The following DSCAM variants were observed in gnomAD, a reference collection of about 807,000 sequenced individuals.
The protein encoded by DSCAM is cell adhesion molecule DSCAM.
A neutral mutation model predicts 217.7 loss-of-function variants in DSCAM; 47 were observed. The observed-to-expected ratio is 0.22, with a 90% CI of 0.17 to 0.28. The LOEUF (loss-of-function observed/expected upper bound fraction) is 0.28, where lower values mean the gene tolerates loss of function less well. Among genes scored for constraint, DSCAM ranks in the 10% least tolerant of loss-of-function variants. The pLI is 1.00. For synonymous variants in DSCAM, 1,056 were observed against 1,015.3 expected (o/e 1.04, Z -0.76); for missense variants, 2,080 against 2,618.3 (o/e 0.79, Z 4.49).
chr21:40,402,647 A>T (rs1052517508), intron 3 of DSCAM, among the ~76,000 whole-genome samples: 1 of 151,260 alleles, frequency 6.6e-6, no homozygotes, highest in African/African-American at 2.4e-5. Context: ...ATGGCACTTA[A>T]CTCAAAATTG....
At chr21:40,110,990 T>G (rs2089892015) in intron 20 of DSCAM, among the ~76,000 whole-genome samples, 1 of 152,222 alleles carries the variant, frequency 6.6e-6, no homozygotes, top group South Asian at 2.1e-4. Flanking sequence ...GAAAACACTC[T>G]GCAGGATATT....
At chr21:40,130,547 A>G (rs541005518) in intron 19 of DSCAM, among the ~76,000 whole-genome samples, 2 of 152,218 alleles carry the variant, frequency 1.3e-5, no homozygotes, top group East Asian at 3.9e-4. Context: ...CTGAGACTCT[A>G]TTTACGGATG....
intron 1 of DSCAM, among the ~76,000 whole-genome samples, chr21:40,761,017 T>C (rs997720111): frequency 1.3e-5 from 2 of 152,206 alleles, no homozygotes; most frequent in African/African-American, 4.8e-5. Context: ...GCCTTCCTTC[T>C]TCTGGAATGC....
At chr21:40,583,633 C>G (rs1334040152) in intron 3 of DSCAM, among the ~76,000 whole-genome samples, 3 of 152,086 alleles carry the variant, frequency 2.0e-5, no homozygotes, top group African/African-American at 7.2e-5. Flanking sequence ...TTCCTTTTGG[C>G]TGGAAAACTG....
At chr21:40,543,533 T>G (rs2076557860) in intron 3 of DSCAM, among the ~76,000 whole-genome samples, 1 of 151,992 alleles carries the variant, frequency 6.6e-6, no homozygotes, top group African/African-American at 2.4e-5. Flanking sequence ...CACACATCCC[T>G]TCTTCACACC....
chr21:40,516,866 A>C (rs1167002480), intron 3 of DSCAM, among the ~76,000 whole-genome samples: 1 of 148,696 alleles, frequency 6.7e-6, no homozygotes, highest in Non-Finnish European at 1.5e-5. Flanking sequence ...ATCCGGATAC[A>C]CACACATGCG....
At chr21:40,130,347 G>A (rs576192837) in intron 19 of DSCAM, among the ~76,000 whole-genome samples, 2 of 152,282 alleles carry the variant, frequency 1.3e-5, no homozygotes, top group Non-Finnish European at 1.5e-5. Context: ...GTCGTCCTTC[G>A]TGTTTCTGCA....
In DSCAM at chr21:40,312,103, G is replaced by A. The variant is rs771047117; in HGVS notation, c.2040C>T (p.His680=). 4 of 1,613,976 alleles carry A rather than the reference G, an allele frequency of 2.5e-6. No individual in the cohort carries two copies. The highest frequency in any genetic ancestry group is 3.4e-6 in the Non-Finnish European group (4 of 1,179,928). ...IARNEAAAVE[H]QSQLIVRVPP... ...CACCTCTGACAATCAACTGGCTTTG[G>A]TGCTCCACAGCGGCGGCCTCATTCC... Residue 680 remains histidine, a synonymous_variant, in exon 9 of 33, where the codon CAC becomes CAT. Coordinates refer to ENST00000400454, the MANE Select transcript of DSCAM (RefSeq NM_001389.5).
At chr21:40,812,791 T>C (rs1187403161) in intron 1 of DSCAM, among the ~76,000 whole-genome samples, 2 of 152,166 alleles carry the variant, frequency 1.3e-5, no homozygotes, top group African/African-American at 4.8e-5. Flanking sequence ...CACTTAAAGG[T>C]CACGCACAAC....
chr21:40,101,559 C>T (rs2089750924), intron 20 of DSCAM, among the ~76,000 whole-genome samples: 1 of 152,022 alleles, frequency 6.6e-6, no homozygotes, highest in Admixed American at 6.6e-5. Flanking sequence ...CCATAAGAAG[C>T]ATGCAGTATA....
At chr21:40,086,252 G>T (rs2089530619) in intron 22 of DSCAM, among the ~76,000 whole-genome samples, 1 of 152,202 alleles carries the variant, frequency 6.6e-6, no homozygotes, top group Non-Finnish European at 1.5e-5. Context: ...AGAGGGTGAT[G>T]AGTTTACCCT....
intron 3 of DSCAM, among the ~76,000 whole-genome samples, chr21:40,464,607 G>T (rs926952360): frequency 6.6e-6 from 1 of 152,078 alleles, no homozygotes; most frequent in Non-Finnish European, 1.5e-5. Flanking sequence ...CTCCTGTCCA[G>T]CCCACTTTTA....
Position 40,442,363 on chromosome 21 carries a change from A to G in DSCAM, c.509-73118T>C, listed in dbSNP as rs182089625. Reference sequence around the variant, plus strand: ...CATCAGAGTGATTTTATTTTTTAAAATTTACTAGTTTTTTAAATTTAAATA... The same window carrying G: ...CATCAGAGTGATTTTATTTTTTAAAGTTTACTAGTTTTTTAAATTTAAATA... On this transcript the variant is annotated intron_variant, in intron 3 of 32. Transcript: ENST00000400454. Among the ~76,000 whole-genome samples the G allele has an allele frequency of 4.4e-3, 672 of 151,366 alleles. 4 individuals are homozygous for G. Among genetic ancestry groups the G allele is most frequent in the African/African-American group, 0.014 (595 of 41,448 alleles).
chr21:40,178,974 C>T lies in DSCAM; in HGVS notation c.2900G>A (p.Gly967Asp). Reference sequence around the variant, plus strand: ...GAGCTCGTTGCTGGGCTCGCTCTTGCCAATCCGGTTCTTGGCGTACATGCG... The same window carrying T: ...GAGCTCGTTGCTGGGCTCGCTCTTGTCAATCCGGTTCTTGGCGTACATGCG... ...SIRMYAKNRIGKSEPSNELTI... is the reference protein window; with the variant it reads ...SIRMYAKNRIDKSEPSNELTI... Residue 967 changes from glycine to aspartate, a missense_variant, in exon 15 of 33, where the codon GGC (glycine) becomes GAC (aspartate). Gly to Asp is a moderately conservative substitution (Grantham distance 94). Coordinates refer to ENST00000400454, the MANE Select transcript of DSCAM (RefSeq NM_001389.5). 1.2e-6 allele frequency: 2 copies of T among 1,614,034 alleles called. No homozygotes were observed. Among genetic ancestry groups the T allele is most frequent in the Non-Finnish European group, 1.7e-6 (2 of 1,180,010 alleles).
chr21:40,771,531 C>T (rs1046266806), intron 1 of DSCAM, among the ~76,000 whole-genome samples: 1 of 152,186 alleles, frequency 6.6e-6, no homozygotes, highest in Admixed American at 6.5e-5. Context: ...GGCTTCCGGA[C>T]CAGGTTTCTG....
chr21:40,269,334 C>T (rs1451907572), intron 11 of DSCAM, among the ~76,000 whole-genome samples: 1 of 152,184 alleles, frequency 6.6e-6, no homozygotes, highest in African/African-American at 2.4e-5. Flanking sequence ...TTTTACGTTT[C>T]ATTGTGCAAA....
At chr21:40,728,347 A>C (rs1001591954) in intron 1 of DSCAM, among the ~76,000 whole-genome samples, 2 of 152,222 alleles carry the variant, frequency 1.3e-5, no homozygotes, top group Non-Finnish European at 1.5e-5. Flanking sequence ...CTGTTAGGCT[A>C]AATTCAATTA....
rs1555908380 is a variant in DSCAM at position 40,350,905 on chromosome 21, T to TA, written c.934+2559dup. Among the ~76,000 whole-genome samples the TA allele has an allele frequency of 3.5e-5, 5 of 142,884 alleles. No homozygotes were observed. In the South Asian group the frequency reaches 6.9e-4, roughly 20 times the overall value. The allele number at this position is 142,884 out of a possible 152,430, so 93.7% of individuals were successfully genotyped here. On this transcript the variant is annotated intron_variant, in intron 5 of 32. Coordinates refer to ENST00000400454, the MANE Select transcript of DSCAM (RefSeq NM_001389.5). ...TTTTTTTTTTTTTTTTTTTTTTTTTTAGAATTGGGGCCTTGCTCTGTCACC... is the reference window on the plus strand; with the variant it reads ...TTTTTTTTTTTTTTTTTTTTTTTTTTAAGAATTGGGGCCTTGCTCTGTCACC...
At chr21:40,056,447 T>C (rs184427214) in intron 28 of DSCAM, among the ~76,000 whole-genome samples, 5,237 of 152,140 alleles carry the variant, frequency 0.034, 148 homozygotes, top group African/African-American at 0.073. Flanking sequence ...AATTTGTGTA[T>C]CAGAAGATTA....
Sources: gnomAD v4.1 joint callset for allele counts (sites outside exome capture counted in the v4.1 genomes callset) on GRCh38, gnomAD v4.1.1 for gene constraint, MANE v1.5 for transcripts, NCBI Gene and HGNC (gene_info 2026-07-23, HGNC 2026-07-21) for gene names.